The following SENP6 variants were observed in gnomAD, a reference collection of about 807,000 sequenced individuals.
The protein encoded by SENP6 is SUMO specific peptidase 6.
Under a neutral mutation model 134.5 loss-of-function variants are expected in SENP6, and 41 were observed. The observed-to-expected ratio is 0.30, with a 90% CI of 0.24 to 0.40. SENP6 has a LOEUF of 0.40. Among genes scored for constraint, SENP6 ranks in the 10% least tolerant of loss-of-function variants. The pLI, the probability that SENP6 is intolerant of heterozygous loss-of-function variation, is 1.00. For synonymous variants in SENP6, 395 were observed against 429.8 expected, an observed-to-expected ratio of 0.92 and a Z score of 1.00; for missense variants, 1,248 against 1,312.5, an observed-to-expected ratio of 0.95 and a Z score of 0.76.
chr6:75,665,004 A>C (rs909318211), intron 9 of SENP6, among the ~76,000 whole-genome samples: 2 of 152,186 alleles, frequency 1.3e-5, no homozygotes, highest in Admixed American at 1.3e-4. Context: ...AGTGATATTT[A>C]GGCTGGGCGC....
At chr6:75,619,223 A>T (rs1370312748) in intron 1 of SENP6, among the ~76,000 whole-genome samples, 1 of 152,154 alleles carries the variant, frequency 6.6e-6, no homozygotes, top group Non-Finnish European at 1.5e-5. Flanking sequence ...TTAAACAGTA[A>T]TTCTCCATTT....
chr6:75,678,721 A>T, intron 15 of SENP6, 29 bp downstream of exon 15: 3 of 1,400,058 alleles, frequency 2.1e-6, no homozygotes, highest in Non-Finnish European at 3.0e-6. Context: ...ATTTGCAATG[A>T]TCTTAAATGT....
At chr6:75,667,845 C>A (rs1383153502) in intron 10 of SENP6, among the ~76,000 whole-genome samples, 1 of 151,958 alleles carries the variant, frequency 6.6e-6, no homozygotes, top group African/African-American at 2.4e-5. Flanking sequence ...TATGATGCAG[C>A]CATTGAAAAT....
intron 5 of SENP6, among the ~76,000 whole-genome samples, chr6:75,638,608 ATATATATATATATATTTT>A (rs1769747062): frequency 2.3e-5 from 1 of 43,588 alleles, no homozygotes; most frequent in African/African-American, 9.1e-5. Flanking sequence ...ATATATATAT[ATATATATATATATATTTT>A]TTTTTTTTTT....
In SENP6 at chr6:75,713,595, T is replaced by A; in HGVS notation, c.2978+14T>A. 2.5e-6 allele frequency: 4 copies of A among 1,611,342 alleles called. No homozygotes were observed. The highest frequency in any genetic ancestry group is 3.4e-6 in the Non-Finnish European group (4 of 1,177,658). On this transcript the variant is annotated intron_variant, in intron 22 of 23. Coordinates refer to ENST00000447266, the MANE Select transcript of SENP6 (RefSeq NM_015571.4). ...AATTTTAAGAGAGTAAGTTCACACTTTATTTCGTATTCTGATGGGGATGAA... is the reference window on the plus strand; with the variant it reads ...AATTTTAAGAGAGTAAGTTCACACTATATTTCGTATTCTGATGGGGATGAA...
At chr6:75,679,062 A>AT (rs2149880525) in intron 16 of SENP6, 135 bp downstream of exon 16, 2 of 567,758 alleles carry the variant, frequency 3.5e-6, no homozygotes, top group East Asian at 3.1e-5. Flanking sequence ...TTGGGGAGTT[A>AT]TTTTTTCTGT....
intron 5 of SENP6, among the ~76,000 whole-genome samples, chr6:75,635,876 A>G (rs1158433361): frequency 1.3e-5 from 2 of 152,162 alleles, no homozygotes; most frequent in Non-Finnish European, 2.9e-5. Context: ...AGCTGACTTA[A>G]TATTCTGATA....
intron 13 of SENP6, 143 bp downstream of exon 13, chr6:75,676,197 A>G: frequency 3.9e-6 from 2 of 507,484 alleles, no homozygotes; most frequent in Non-Finnish European, 6.6e-6. Flanking sequence ...TGTGAAATAG[A>G]TATTACTTTC....
chr6:75,703,128 T>A, intron 19 of SENP6, 56 bp downstream of exon 19: 1 of 1,357,936 alleles, frequency 7.4e-7, no homozygotes, highest in Non-Finnish European at 1.0e-6. Context: ...CTGGATTTTT[T>A]AATAAACAGG....
chr6:75,614,758 A>G (rs768521893), intron 1 of SENP6, among the ~76,000 whole-genome samples: 11 of 152,146 alleles, frequency 7.2e-5, no homozygotes, highest in Non-Finnish European at 1.6e-4. Flanking sequence ...TAGGACCTTC[A>G]CTATGTACTT....
At chr6:75,665,448 G>C (rs75100740) in intron 9 of SENP6, among the ~76,000 whole-genome samples, 3,213 of 152,246 alleles carry the variant, frequency 0.021, 116 homozygotes, top group African/African-American at 0.073. Flanking sequence ...AATATTATGA[G>C]AAAATTGGAT....
At chr6:75,692,934 G>A (rs1195558580) in intron 16 of SENP6, among the ~76,000 whole-genome samples, 1 of 152,178 alleles carries the variant, frequency 6.6e-6, no homozygotes, top group Non-Finnish European at 1.5e-5. Flanking sequence ...AGCCAGGTAT[G>A]GTGGCGTATG....
intron 1 of SENP6, among the ~76,000 whole-genome samples, chr6:75,618,810 C>T (rs1768044004): frequency 1.3e-5 from 2 of 152,178 alleles, no homozygotes; most frequent in Admixed American, 1.3e-4. Context: ...CAGGGAGAAA[C>T]CTTGTTTCCA....
chr6:75,645,336 C>T (rs776976335), intron 6 of SENP6, among the ~76,000 whole-genome samples: 22 of 152,172 alleles, frequency 1.4e-4, no homozygotes, highest in African/African-American at 4.8e-4. Flanking sequence ...TAAATGCTGG[C>T]CAGGTGTGGT....
chr6:75,622,793 C>T (rs1238335056), intron 2 of SENP6: 3 of 1,289,078 alleles, frequency 2.3e-6, no homozygotes, highest in Admixed American at 2.3e-5. Flanking sequence ...TCATCATTAC[C>T]ACTTTATGTG....
chr6:75,697,598 G>C, intron 18 of SENP6, 81 bp downstream of exon 18: 34 of 893,822 alleles, frequency 3.8e-5, no homozygotes, highest in Non-Finnish European at 5.2e-5. Flanking sequence ...ATGAGGTGAA[G>C]AATTCATTTT....
chr6:75,663,999 G>C (rs887706655), intron 9 of SENP6, among the ~76,000 whole-genome samples: 1 of 152,016 alleles, frequency 6.6e-6, no homozygotes, highest in South Asian at 2.1e-4. Context: ...AATTATTGGG[G>C]ACTGGTTGAC....
At chr6:75,635,803 G>C (rs772306057) in intron 5 of SENP6, among the ~76,000 whole-genome samples, 8 of 152,022 alleles carry the variant, frequency 5.3e-5, no homozygotes, top group Non-Finnish European at 8.8e-5. Context: ...GTAATTAGGG[G>C]AGAGAAAAAG....
chr6:75,674,441 C>A (rs571765448), intron 11 of SENP6, among the ~76,000 whole-genome samples: 3 of 152,232 alleles, frequency 2.0e-5, no homozygotes, highest in African/African-American at 7.2e-5. Context: ...CCTGCCTCAG[C>A]CTCCTGAGTA....
Sources: gnomAD v4.1 joint callset for allele counts (sites outside exome capture counted in the v4.1 genomes callset) on GRCh38, gnomAD v4.1.1 for gene constraint, MANE v1.5 for transcripts, NCBI Gene and HGNC (gene_info 2026-07-23, HGNC 2026-07-21) for gene names.